Variants in PIK3C2G observed in about 807,000 individuals in gnomAD.
The protein encoded by PIK3C2G is phosphatidylinositol 3-kinase C2 domain-containing subunit gamma.
Under a neutral mutation model 181.1 loss-of-function variants are expected in PIK3C2G, and 168 were observed. The observed-to-expected ratio is 0.93, with a 90% CI of 0.82 to 1.05. The LOEUF is 1.05. Ranked by LOEUF, PIK3C2G falls within the 50% of genes least tolerant of loss-of-function variation. The pLI, the probability that PIK3C2G is intolerant of heterozygous loss-of-function variation, is 0.00. For synonymous variants in PIK3C2G, 573 were observed against 592.2 expected (o/e 0.97, Z 0.47); for missense variants, 1,869 against 1,732.8 (o/e 1.08, Z -1.40).
At chr12:18,702,442 T>G in the PIK3C2G span, among the ~76,000 whole-genome samples, 6 of 152,218 alleles carry the variant, frequency 3.9e-5, no homozygotes, top group African/African-American at 1.4e-4. Context: ...AACAAGTACA[T>G]TTAAGTACCG....
rs543711274 is a variant in PIK3C2G, at chr12:18,412,004, T to G, written c.2316-8937T>G. Among the ~76,000 whole-genome samples, 13 of 152,300 alleles carry G rather than the reference T, an allele frequency of 8.5e-5. No homozygotes were observed. The South Asian group carries it at 2.3e-3, about 27-fold the overall frequency. ...TTTTTTTACTGTCAAATGGAAGAAC[T>G]TGAAAAATATATTTTTCTGTTGAAA... On this transcript the variant is annotated intron_variant, in intron 16 of 32. Coordinates refer to ENST00000538779, the MANE Select transcript of PIK3C2G (RefSeq NM_001288772.2).
At chr12:18,527,100 C>A (rs1280659182) in intron 24 of PIK3C2G, among the ~76,000 whole-genome samples, 1 of 151,980 alleles carries the variant, frequency 6.6e-6, no homozygotes. Flanking sequence ...AAGGATTCTG[C>A]CCTCTCACAC....
intron 14 of PIK3C2G, among the ~76,000 whole-genome samples, chr12:18,384,401 C>A (rs1398527727): frequency 6.6e-6 from 1 of 152,036 alleles, no homozygotes; most frequent in East Asian, 1.9e-4. Context: ...TTTATATAGG[C>A]CTGTGGGGTG....
intron 15 of PIK3C2G, among the ~76,000 whole-genome samples, chr12:18,391,731 C>T (rs1293440078): frequency 1.3e-5 from 2 of 152,052 alleles, no homozygotes; most frequent in Non-Finnish European, 2.9e-5. Flanking sequence ...GAACCAAAAT[C>T]CCAGGAAGAA....
intron 29 of PIK3C2G, among the ~76,000 whole-genome samples, chr12:18,571,433 A>T (rs1324729246): frequency 6.6e-6 from 1 of 150,834 alleles, no homozygotes; most frequent in African/African-American, 2.5e-5. Flanking sequence ...TGTTTGTACC[A>T]GTAGAGGTTT....
chr12:18,243,194 CTGTGTGTGTGTG>C (rs71440357), upstream of PIK3C2G, among the ~76,000 whole-genome samples: 6 of 148,324 alleles, frequency 4.0e-5, no homozygotes, highest in South Asian at 2.2e-4. Context: ...TAAAGTCTTT[CTGTGTGTGTGTG>C]TGTGTGTGTG....
intron 29 of PIK3C2G, among the ~76,000 whole-genome samples, chr12:18,575,319 A>C (rs996217550): frequency 6.6e-5 from 10 of 152,192 alleles, no homozygotes; most frequent in Non-Finnish European, 1.5e-4. Context: ...TCAGAAACTT[A>C]AGAGGTGGGA....
the PIK3C2G span, among the ~76,000 whole-genome samples, chr12:18,697,250 C>G: frequency 6.6e-6 from 1 of 151,996 alleles, no homozygotes; most frequent in Admixed American, 6.6e-5. Flanking sequence ...ATCCTAAATA[C>G]TATTATTTAG....
upstream of PIK3C2G, among the ~76,000 whole-genome samples, chr12:18,244,484 C>A (rs953139067): frequency 6.6e-6 from 1 of 151,986 alleles, no homozygotes; most frequent in Non-Finnish European, 1.5e-5. Context: ...TGGTAGAATT[C>A]TGAGCTTATC....
chr12:18,395,780 G>T (rs953443742), intron 15 of PIK3C2G, among the ~76,000 whole-genome samples: 4 of 151,252 alleles, frequency 2.6e-5, no homozygotes, highest in Non-Finnish European at 4.4e-5. Context: ...TTATATGTAA[G>T]GATGCATAAT....
At chr12:18,625,028 A>G (rs1949031406) in intron 31 of PIK3C2G, among the ~76,000 whole-genome samples, 1 of 151,236 alleles carries the variant, frequency 6.6e-6, no homozygotes, top group Non-Finnish European at 1.5e-5. Context: ...AGTCTCATCT[A>G]TTTCTGCTCT....
the PIK3C2G span, among the ~76,000 whole-genome samples, chr12:18,695,541 T>C: frequency 6.6e-6 from 1 of 152,090 alleles, no homozygotes; most frequent in African/African-American, 2.4e-5. Context: ...TACCTCAGTA[T>C]AGCCTGGTAA....
intron 14 of PIK3C2G, among the ~76,000 whole-genome samples, chr12:18,390,193 C>G (rs558674800): frequency 6.4e-4 from 98 of 152,194 alleles, no homozygotes; most frequent in African/African-American, 2.4e-3. Flanking sequence ...ATTACTAAAA[C>G]TTTTTCAAAT....
In PIK3C2G at chr12:18,311,034, T is replaced by G. The variant is rs148760282; in HGVS notation, c.1035-2928T>G. 6.4e-3 allele frequency among the ~76,000 whole-genome samples: 975 copies of G among 152,160 alleles called. 5 individuals carry two copies. Among genetic ancestry groups the G allele is most frequent in the Non-Finnish European group, 0.012 (791 of 67,948 alleles). On this transcript the variant is annotated intron_variant, in intron 5 of 32. Coordinates refer to ENST00000538779, the MANE Select transcript of PIK3C2G (RefSeq NM_001288772.2). ...AAAAAGGGAAAGGGAAGAATTTTTC[T>G]TATCTCTTTTATTTTGTAGAGTTGA...
chr12:18,713,232 C>T, the PIK3C2G span, among the ~76,000 whole-genome samples: 5 of 151,992 alleles, frequency 3.3e-5, no homozygotes, highest in East Asian at 1.9e-4. Flanking sequence ...TTTACTCTTC[C>T]GTGCTCTCCA....
chr12:18,315,436 A>AT (rs1352999948), intron 6 of PIK3C2G, among the ~76,000 whole-genome samples: 1 of 152,196 alleles, frequency 6.6e-6, no homozygotes, highest in Non-Finnish European at 1.5e-5. Flanking sequence ...TCATTGGAGC[A>AT]TGGGGGAAGA....
In PIK3C2G at chr12:18,560,340, G is replaced by T. The variant is rs531502114; in HGVS notation, c.3591-2363G>T. Among the ~76,000 whole-genome samples, 232 of 152,074 alleles carry T rather than the reference G, an allele frequency of 1.5e-3. 2 individuals carry two copies. The highest frequency in any genetic ancestry group is 5.3e-3 in the African/African-American group (221 of 41,494). On this transcript the variant is annotated intron_variant, in intron 26 of 32. Transcript: ENST00000538779. ...TAATATCCTTAAAAAAAGTGGGCCA[G>T]AAAGACATGCCCACCAAAAAGATAA...
At chr12:18,320,539 A>G (rs1451652484) in intron 6 of PIK3C2G, among the ~76,000 whole-genome samples, 1 of 152,272 alleles carries the variant, frequency 6.6e-6, no homozygotes, top group Non-Finnish European at 1.5e-5. Flanking sequence ...GTGAAGCTGA[A>G]AAATGAAGGA....
At chr12:18,371,520 C>T (rs1336000934) in intron 13 of PIK3C2G, among the ~76,000 whole-genome samples, 3 of 152,122 alleles carry the variant, frequency 2.0e-5, no homozygotes, top group Non-Finnish European at 4.4e-5. Flanking sequence ...CTGAACTTGT[C>T]AGCTGGATCA....
Sources: allele counts gnomAD v4.1 joint callset (sites outside exome capture counted in the v4.1 genomes callset), GRCh38; gene constraint gnomAD v4.1.1; transcripts MANE v1.5; gene names NCBI Gene and HGNC (gene_info 2026-07-23, HGNC 2026-07-21).